The following ASCC1 variants were observed in gnomAD, a reference collection of about 807,000 sequenced individuals.
ASCC1 encodes the protein ASC-1 complex subunit P50.
A neutral mutation model predicts 46.6 loss-of-function variants in ASCC1; 35 were observed. The observed-to-expected ratio is 0.75, with a 90% CI of 0.57 to 0.99. ASCC1 has a LOEUF of 0.99. Among genes scored for constraint, ASCC1 ranks in the 50% least tolerant of loss-of-function variants. The pLI is 0.00. For synonymous variants in ASCC1, 143 were observed against 146.6 expected (o/e 0.98, Z 0.18); for missense variants, 376 against 428.7 (o/e 0.88, Z 1.09).
chr10:72,190,720 G>A (rs1331955101), intron 5 of ASCC1: 12 of 588,702 alleles, frequency 2.0e-5, no homozygotes, highest in East Asian at 5.8e-5. Context: ...AGTGAAGGCC[G>A]GGCACGGTGG....
chr10:72,173,937 A>G (rs901638720), intron 5 of ASCC1, among the ~76,000 whole-genome samples: 1 of 152,256 alleles, frequency 6.6e-6, no homozygotes, highest in Admixed American at 6.5e-5. Flanking sequence ...TTCTAATGGT[A>G]TTGACCTTCC....
chr10:72,201,327 CACATA>C (rs1201405265), intron 4 of ASCC1, among the ~76,000 whole-genome samples: 3 of 152,112 alleles, frequency 2.0e-5, no homozygotes, highest in Non-Finnish European at 4.4e-5. Context: ...TGATTATTCT[CACATA>C]ACATAAAATG....
At chr10:72,204,122 G>A (rs1456126701) in intron 3 of ASCC1, among the ~76,000 whole-genome samples, 2 of 152,162 alleles carry the variant, frequency 1.3e-5, no homozygotes, top group Non-Finnish European at 2.9e-5. Context: ...ACAGCAGGGT[G>A]CCTGTAATCC....
intron 5 of ASCC1, among the ~76,000 whole-genome samples, chr10:72,161,879 A>G (rs1305285477): frequency 6.6e-6 from 1 of 152,222 alleles, no homozygotes; most frequent in East Asian, 1.9e-4. Context: ...AAGATAGACT[A>G]CTACCTCCTA....
chr10:72,197,863 G>A (rs1016281574), intron 4 of ASCC1, among the ~76,000 whole-genome samples: 2 of 150,036 alleles, frequency 1.3e-5, no homozygotes, highest in East Asian at 2.0e-4. Context: ...CTGAGATCAC[G>A]CCACTGCACT....
chr10:72,207,290 T>C (rs1329561986), intron 3 of ASCC1, among the ~76,000 whole-genome samples: 1 of 152,162 alleles, frequency 6.6e-6, no homozygotes, highest in African/African-American at 2.4e-5. Context: ...GGCGCATGCC[T>C]GTAGTCCCAG....
In ASCC1 at chr10:72,210,755, C is replaced by T; in HGVS notation, c.189G>A (p.Leu63=). The change falls in exon 3 of 10, where the codon TTG becomes TTA. Residue 63 remains leucine, a synonymous_variant. Coordinates refer to ENST00000672957, the MANE Select transcript of ASCC1 (RefSeq NM_001198800.3). Reference sequence around the variant, plus strand: ...ACTTATAGAGCAAGCTGGGGGCCCTCAAAGTAGACCGGAATCCTTGTGGGG... The same window carrying T: ...ACTTATAGAGCAAGCTGGGGGCCCTTAAAGTAGACCGGAATCCTTGTGGGG... ...EQTPQGFRST[L]RAPSLLYKHI... is the part of the protein sequence containing the mutation. 6.2e-7 allele frequency: 1 copy of T among 1,614,082 alleles called. No homozygotes were observed.
chr10:72,137,527 CAAAAAAAAA>C lies in ASCC1; in HGVS notation c.747-4355_747-4347del, dbSNP rs397956947. 3.9e-5 allele frequency among the ~76,000 whole-genome samples: 3 copies of C among 76,118 alleles called. No homozygotes were observed. In the East Asian group the frequency reaches 1.5e-3, roughly 37 times the overall value. 49.9% of individuals were successfully genotyped at this position (76,118 alleles called of 152,430 possible). ...TGGGTGACAGGGCAAGACTCCATCT[CAAAAAAAAA>C]AAAAAAAAAAGGAAAAAACATAAGG... On this transcript the variant is annotated intron_variant, in intron 7 of 9. Transcript: ENST00000672957.
intron 7 of ASCC1, among the ~76,000 whole-genome samples, chr10:72,147,379 G>C (rs921921693): frequency 1.3e-5 from 2 of 151,804 alleles, no homozygotes; most frequent in African/African-American, 4.8e-5. Flanking sequence ...TCAGCCTCCC[G>C]AGCAGCTGCG....
intron 4 of ASCC1, chr10:72,198,808 C>G (rs1589601780): frequency 1.5e-5 from 6 of 395,762 alleles, no homozygotes; most frequent in Non-Finnish European, 3.0e-5. Flanking sequence ...TCTACAAGAT[C>G]AATAAGCCAG....
chr10:72,158,491 G>A (rs966690915), intron 6 of ASCC1, among the ~76,000 whole-genome samples: 3 of 152,084 alleles, frequency 2.0e-5, no homozygotes, highest in Non-Finnish European at 2.9e-5. Context: ...GGACACAGCC[G>A]GAGCTTCCGA....
chr10:72,153,512 A>T (rs752776845), intron 6 of ASCC1, among the ~76,000 whole-genome samples: 3 of 150,530 alleles, frequency 2.0e-5, no homozygotes, highest in Admixed American at 6.6e-5. Flanking sequence ...TGCAACCTCC[A>T]CCTCCCGGGT....
chr10:72,171,442 T>C (rs1443831433), intron 5 of ASCC1, among the ~76,000 whole-genome samples: 1 of 152,128 alleles, frequency 6.6e-6, no homozygotes. Flanking sequence ...TTTTTTTTTT[T>C]CTCAGACGGA....
chr10:72,209,216 G>A (rs997683940), intron 3 of ASCC1, among the ~76,000 whole-genome samples: 4 of 151,922 alleles, frequency 2.6e-5, no homozygotes, highest in African/African-American at 7.3e-5. Context: ...ATGGTAGTTG[G>A]GCACAGTGGC....
intron 5 of ASCC1, among the ~76,000 whole-genome samples, chr10:72,177,705 G>A (rs184012224): frequency 2.0e-5 from 3 of 152,260 alleles, no homozygotes; most frequent in African/African-American, 7.2e-5. Flanking sequence ...TGGAATTATA[G>A]CAGCATTACT....
At chr10:72,195,630 A>G (rs1165408434) in intron 5 of ASCC1, among the ~76,000 whole-genome samples, 1 of 151,022 alleles carries the variant, frequency 6.6e-6, no homozygotes, top group East Asian at 1.9e-4. Context: ...CAGGAGTTCG[A>G]GACTGACCAG....
intron 5 of ASCC1, among the ~76,000 whole-genome samples, chr10:72,175,238 A>C (rs1051632204): frequency 1.3e-5 from 2 of 152,224 alleles, no homozygotes; most frequent in African/African-American, 4.8e-5. Flanking sequence ...TATAAAACAG[A>C]CAATACTTCT....
chr10:72,159,726 T>C (rs1348032141), intron 6 of ASCC1, among the ~76,000 whole-genome samples: 3 of 152,240 alleles, frequency 2.0e-5, no homozygotes, highest in African/African-American at 4.8e-5. Flanking sequence ...AAAACAGATA[T>C]GTCCGTTACT....
chr10:72,176,389 C>T (rs1851860871), intron 5 of ASCC1, among the ~76,000 whole-genome samples: 1 of 152,144 alleles, frequency 6.6e-6, no homozygotes, highest in Admixed American at 6.6e-5. Context: ...GTCACCCAGG[C>T]TAGAGTGCAG....
Sources: allele counts gnomAD v4.1 joint callset (sites outside exome capture counted in the v4.1 genomes callset), GRCh38; gene constraint gnomAD v4.1.1; transcripts MANE v1.5; gene names NCBI Gene and HGNC (gene_info 2026-07-23, HGNC 2026-07-21).